Variants in SLC18A1 observed in about 807,000 individuals in gnomAD.
SLC18A1 encodes solute carrier family 18 member A1, also known as chromaffin granule amine transporter.
A neutral mutation model predicts 53.7 loss-of-function variants in SLC18A1; 69 were observed. That is an observed-to-expected ratio of 1.28 (90% CI 1.06 to 1.57). The LOEUF (loss-of-function observed/expected upper bound fraction) is 1.57. SLC18A1 is among the 40% of genes most tolerant of loss of function. SLC18A1 has a pLI of 0.00. For missense variants in SLC18A1, 932 were observed against 668.1 expected, an observed-to-expected ratio of 1.40 and a Z score of -4.35; for synonymous variants, 320 against 248.1, an observed-to-expected ratio of 1.29 and a Z score of -2.72.
At position 20,164,972 on chromosome 8, in the gene SLC18A1, G is replaced by T; in HGVS notation, c.920-8C>A. ...TGGCAAAGCAGATGGACCCTGGGGA[G>T]ACTGTTCTGTGAGCAGCCGTGGCTG... On this transcript the variant is annotated splice_region_variant and splice_polypyrimidine_tract_variant and intron_variant, in intron 9 of 15. Coordinates refer to ENST00000276373, the MANE Select transcript of SLC18A1 (RefSeq NM_003053.4). The T allele has an allele frequency of 6.2e-7, 1 of 1,613,962 alleles. No homozygotes were observed. Among genetic ancestry groups the T allele is most frequent in the African/African-American group, 1.3e-5 (1 of 75,026 alleles).
rs11345261 is a variant in SLC18A1, at chr8:20,151,147, G to GTT, written c.1016-405_1016-404dup. Among the ~76,000 whole-genome samples the GTT allele has an allele frequency of 1.0e-3, 142 of 138,634 alleles. 3 individuals are homozygous for GTT. The South Asian group carries it at 0.012, about 12-fold the overall frequency. The allele number at this position is 138,634 out of a possible 152,430, so 90.9% of individuals were successfully genotyped here. On this transcript the variant is annotated intron_variant, in intron 10 of 15. Transcript: ENST00000276373. ...CCACCACACCTAGTTGTTTTTTTTT[G>GTT]TTTTTTTTTTGTTTGTTTGTTTGTT...
At chr8:20,177,590 T>A (rs1050119169) in intron 4 of SLC18A1, among the ~76,000 whole-genome samples, 4 of 152,062 alleles carry the variant, frequency 2.6e-5, no homozygotes, top group African/African-American at 4.8e-5. Flanking sequence ...TATACATACG[T>A]AACAAACCTG....
At chr8:20,179,605 G>T in intron 2 of SLC18A1, 121 bp from the exon 3 acceptor site, 1 of 1,299,166 alleles carries the variant, frequency 7.7e-7, no homozygotes, top group Non-Finnish European at 1.1e-6. Context: ...GGTGATGGGG[G>T]CTAAGGACAG....
intron 5 of SLC18A1, 89 bp from the exon 6 acceptor site, chr8:20,173,217 G>C: frequency 1.1e-6 from 1 of 913,726 alleles, no homozygotes; most frequent in Non-Finnish European, 1.7e-6. Flanking sequence ...TATCTCTTCA[G>C]TGACAATCTT....
chr8:20,167,151 C>T (rs2071989545), intron 8 of SLC18A1, among the ~76,000 whole-genome samples: 2 of 148,356 alleles, frequency 1.3e-5, no homozygotes, highest in South Asian at 4.2e-4. Flanking sequence ...AAAAACCCCA[C>T]AAATGGATGC....
At chr8:20,171,045 G>T (rs945846355) in intron 8 of SLC18A1, 58 bp downstream of exon 8, 43 of 1,542,398 alleles carry the variant, frequency 2.8e-5, no homozygotes, top group Admixed American at 6.8e-5. Flanking sequence ...GCATGCCTGG[G>T]TTCCTGCATT....
intron 6 of SLC18A1, among the ~76,000 whole-genome samples, chr8:20,172,833 T>C (rs1392026963): frequency 6.6e-6 from 1 of 152,204 alleles, no homozygotes; most frequent in Non-Finnish European, 1.5e-5. Flanking sequence ...AGGCTGGGCT[T>C]CCGGACCTTT....
intron 10 of SLC18A1, among the ~76,000 whole-genome samples, chr8:20,158,434 G>C (rs1393579876): frequency 6.6e-6 from 1 of 152,156 alleles, no homozygotes; most frequent in Non-Finnish European, 1.5e-5. Flanking sequence ...CCTGTTTGTT[G>C]TGCCCTGCTT....
At chr8:20,169,884 A>G (rs1342521195) in intron 8 of SLC18A1, among the ~76,000 whole-genome samples, 4 of 152,166 alleles carry the variant, frequency 2.6e-5, no homozygotes, top group Admixed American at 2.0e-4. Context: ...GTCTCAAAAA[A>G]GTAGATATTT....
chr8:20,155,500 A>G (rs549445081), intron 10 of SLC18A1, among the ~76,000 whole-genome samples: 3 of 152,262 alleles, frequency 2.0e-5, no homozygotes, highest in South Asian at 2.1e-4. Flanking sequence ...GGCCGACTAG[A>G]GGCAGAAAGC....
chr8:20,151,956 A>G (rs545453958), intron 10 of SLC18A1, among the ~76,000 whole-genome samples: 1 of 152,358 alleles, frequency 6.6e-6, no homozygotes, highest in East Asian at 1.9e-4. Flanking sequence ...GTAAACAAAT[A>G]CACAAAAAAG....
rs139005617 is a variant in SLC18A1, at chr8:20,158,688, G to T, written c.1015+6181C>A. ...AATTTTAGGAGTCCAGAAACCCAAC[G>T]GACAGTGGAGGTTAGTGCAAGATCT... On this transcript the variant is annotated intron_variant, in intron 10 of 15. Coordinates refer to ENST00000276373, the MANE Select transcript of SLC18A1 (RefSeq NM_003053.4). Among the ~76,000 whole-genome samples the T allele has an allele frequency of 2.0e-5, 3 of 152,080 alleles. No homozygotes were observed. The East Asian group carries it at 5.8e-4, about 29-fold the overall frequency.
Position 20,156,368 on chromosome 8 carries a change from C to G in SLC18A1, c.1016-5624G>C, listed in dbSNP as rs569611667. Among the ~76,000 whole-genome samples, 3 of 151,916 alleles carry G rather than the reference C, an allele frequency of 2.0e-5. No homozygotes were observed. The East Asian group carries it at 5.8e-4, about 29-fold the overall frequency. On this transcript the variant is annotated intron_variant, in intron 10 of 15. Coordinates refer to ENST00000276373, the MANE Select transcript of SLC18A1 (RefSeq NM_003053.4). ...ATTAACCACTGAAAATTCCCTTAAC[C>G]CAGCCAATTTCCTAACAGGGGATTT...
At chr8:20,156,441 C>A (rs567486297) in intron 10 of SLC18A1, among the ~76,000 whole-genome samples, 3 of 152,070 alleles carry the variant, frequency 2.0e-5, no homozygotes, top group Admixed American at 2.0e-4. Context: ...GGAGGTACCC[C>A]CTTAAGGACA....
chr8:20,159,973 C>T, intron 10 of SLC18A1, among the ~76,000 whole-genome samples: 1 of 152,090 alleles, frequency 6.6e-6, no homozygotes, highest in East Asian at 1.9e-4. Flanking sequence ...GTGAGTTTGT[C>T]TGGATCTCAC....
intron 11 of SLC18A1, 97 bp downstream of exon 11, chr8:20,150,569 T>A (rs1223697001): frequency 1.8e-6 from 2 of 1,105,486 alleles, no homozygotes; most frequent in African/African-American, 3.1e-5. Context: ...TCCTAAACTT[T>A]CAACCGTATG....
chr8:20,161,972 G>T (rs1013660833), intron 10 of SLC18A1, among the ~76,000 whole-genome samples: 2 of 152,104 alleles, frequency 1.3e-5, no homozygotes, highest in African/African-American at 4.8e-5. Flanking sequence ...TGAAATTTAG[G>T]TGGAAGAAGT....
chr8:20,148,075 A>C lies in SLC18A1; in HGVS notation c.1147-5T>G, dbSNP rs571411618. 6.2e-7 allele frequency: 1 copy of C among 1,614,070 alleles called. No homozygotes were observed. Among genetic ancestry groups the C allele is most frequent in the East Asian group, 2.2e-5 (1 of 44,880 alleles). ...AATATTGTGAGCCAGAGGAACCTGC[A>C]TGGGGAAGGAGGAAGAGTCATCAGG... On this transcript the variant is annotated splice_region_variant and splice_polypyrimidine_tract_variant and intron_variant, in intron 12 of 15. Coordinates refer to ENST00000276373, the MANE Select transcript of SLC18A1 (RefSeq NM_003053.4).
intron 11 of SLC18A1, among the ~76,000 whole-genome samples, 173 bp downstream of exon 11, chr8:20,150,493 A>G (rs1159793829): frequency 3.9e-5 from 6 of 152,156 alleles, no homozygotes; most frequent in Non-Finnish European, 7.4e-5. Flanking sequence ...TCCATTCTCC[A>G]TACCACCCTC....
Sources: gnomAD v4.1 joint callset for allele counts (sites outside exome capture counted in the v4.1 genomes callset) on GRCh38, gnomAD v4.1.1 for gene constraint, MANE v1.5 for transcripts, NCBI Gene and HGNC (gene_info 2026-07-23, HGNC 2026-07-21) for gene names.